The following KCNK6 variants were observed in gnomAD, a reference collection of about 807,000 sequenced individuals.
The protein encoded by KCNK6 is potassium two pore domain channel subfamily K member 6.
Under a neutral mutation model 21.9 loss-of-function variants are expected in KCNK6, and 20 were observed. The observed-to-expected ratio is 0.91, with a 90% confidence interval of 0.64 to 1.32. KCNK6 has a LOEUF of 1.32. Among genes scored for constraint, KCNK6 ranks in the 40% most tolerant of loss-of-function variants. The pLI is 0.00. For synonymous variants in KCNK6, 210 were observed against 218.0 expected, an observed-to-expected ratio of 0.96 and a Z score of 0.32; for missense variants, 415 against 433.1, an observed-to-expected ratio of 0.96 and a Z score of 0.37.
At chr19:38,321,330 A>G (rs1239103335) in intron 1 of KCNK6, among the ~76,000 whole-genome samples, 1 of 152,152 alleles carries the variant, frequency 6.6e-6, no homozygotes, top group Non-Finnish European at 1.5e-5. Flanking sequence ...GACCCCAGAC[A>G]CAAAACCCTT....
chr19:38,320,405 C>G (rs1969637509), intron 1 of KCNK6, 133 bp downstream of exon 1: 7 of 950,950 alleles, frequency 7.4e-6, no homozygotes, highest in African/African-American at 1.7e-5. Context: ...CCGAAAAGAC[C>G]CCAGTGAGGA....
rs997695955 is a variant in KCNK6, at chr19:38,328,776, G to A, written c.*1373G>A. 3 of 152,056 alleles carry A rather than the reference G, an allele frequency of 2.0e-5. No individual in the cohort carries two copies. Among genetic ancestry groups the A allele is most frequent in the Non-Finnish European group, 2.9e-5 (2 of 68,046 alleles). 9.4% of individuals were successfully genotyped at this position (152,056 alleles called of 1,614,324 possible). A position where few individuals can be genotyped will look rare whatever the true frequency, so the allele number is the denominator to read the frequency against. On this transcript the variant is annotated 3_prime_UTR_variant, in exon 3 of 3. Coordinates refer to ENST00000263372, the MANE Select transcript of KCNK6 (RefSeq NM_004823.3). ...GTGGAAGGATCACTTGAGGCCAGGAGTTTGAGGCTGCAGTGAGTTATGATG... is the reference window on the plus strand; with the variant it reads ...GTGGAAGGATCACTTGAGGCCAGGAATTTGAGGCTGCAGTGAGTTATGATG...
At position 38,327,755 on chromosome 19, in the gene KCNK6, A is replaced by C; in HGVS notation, c.*352A>C. On this transcript the variant is annotated 3_prime_UTR_variant, in exon 3 of 3. Transcript: ENST00000263372. Reference sequence around the variant, plus strand: ...ATGTTCCGTCTGTGTCTCTCAATTAACCACTCGTCAACTGCTGATTCTACT... The same window carrying C: ...ATGTTCCGTCTGTGTCTCTCAATTACCCACTCGTCAACTGCTGATTCTACT... 3.5e-6 allele frequency: 1 copy of C among 286,908 alleles called. No homozygotes were observed. Among genetic ancestry groups the C allele is most frequent in the South Asian group, 4.0e-5 (1 of 25,038 alleles). 17.8% of individuals were successfully genotyped at this position (286,908 alleles called of 1,614,324 possible).
rs1969631216 is a variant in KCNK6 at position 38,320,113 on chromosome 19, G to T, written c.163G>T (p.Ala55Ser). 2 of 1,574,580 alleles carry T rather than the reference G, an allele frequency of 1.3e-6. No homozygotes were observed. The highest frequency in any genetic ancestry group is 1.4e-5 in the African/African-American group (1 of 73,766). ...AQLLQRSPCV[A>S]APALDAFVER... ...GCTGCTTCAGCGCAGCCCGTGTGTG[G>T]CTGCCCCCGCCCTGGACGCCTTCGT... Residue 55 changes from alanine (A) to serine (S), a missense_variant, in exon 1 of 3, where the codon GCT becomes TCT. Transcript: ENST00000263372.
chr19:38,325,456 G>C, intron 1 of KCNK6: 1 of 985,438 alleles, frequency 1.0e-6, no homozygotes. Flanking sequence ...CTGAGGCTCA[G>C]AGCCAGGCAA....
At chr19:38,320,363 C>T (rs1969637008) in intron 1 of KCNK6, 91 bp downstream of exon 1, 1 of 1,355,270 alleles carries the variant, frequency 7.4e-7, no homozygotes, top group Non-Finnish European at 1.0e-6. Flanking sequence ...CACGAATACC[C>T]TTATCCCAAT....
At chr19:38,323,277 CTG>C (rs1183634881) in intron 1 of KCNK6, among the ~76,000 whole-genome samples, 2 of 152,180 alleles carry the variant, frequency 1.3e-5, no homozygotes, top group Non-Finnish European at 2.9e-5. Flanking sequence ...CTGGTAATAA[CTG>C]ATGTTTATTG....
chr19:38,320,172 G>A lies in KCNK6; in HGVS notation c.222G>A (p.Arg74=), dbSNP rs372657213. Residue 74 remains arginine, a synonymous_variant, in exon 1 of 3, where the codon CGG becomes CGA. Coordinates refer to ENST00000263372, the MANE Select transcript of KCNK6 (RefSeq NM_004823.3). ...ERVLAAGRLG[R]VVLANASGSA... Reference sequence around the variant, plus strand: ...TGCTGGCGGCCGGACGGCTGGGGCGGGTCGTGCTTGCTAACGCTTCGGGGT... The same window carrying A: ...TGCTGGCGGCCGGACGGCTGGGGCGAGTCGTGCTTGCTAACGCTTCGGGGT... The A allele has an allele frequency of 2.5e-6, 4 of 1,599,296 alleles. No homozygotes were observed. In the Admixed American group the frequency reaches 5.0e-5, roughly 20 times the overall value.
At chr19:38,322,934 G>A (rs554761431) in intron 1 of KCNK6, among the ~76,000 whole-genome samples, 6 of 151,968 alleles carry the variant, frequency 3.9e-5, no homozygotes, top group African/African-American at 1.2e-4. Context: ...CCAACATGAC[G>A]AAACCCCATC....
In KCNK6 at chr19:38,326,735, T is replaced by C. The variant is rs1222956019; in HGVS notation, c.465T>C (p.Ser155=). Residue 155 remains serine (S), a synonymous_variant, in exon 2 of 3, where the codon TCT becomes TCC. Transcript: ENST00000263372. ...TGCTGCTGACTCACGTGCCCCTGTC[T>C]TGGCTGAGCATGCGTTGGGGCTGGG... ...LSLLLTHVPL[S]WLSMRWGWDP... is the part of the protein sequence containing the mutation. 1 of 1,604,650 alleles carries C rather than the reference T, an allele frequency of 6.2e-7. No individual in the cohort carries two copies. The highest frequency in any genetic ancestry group is 8.5e-7 in the Non-Finnish European group (1 of 1,179,966).
At position 38,320,121 on chromosome 19, in the gene KCNK6, CG is replaced by C. The variant is rs1568364127; in HGVS notation, c.172del (p.Ala58ProfsTer46). The C allele has an allele frequency of 6.3e-7, 1 of 1,582,350 alleles. No homozygotes were observed. Among genetic ancestry groups the C allele is most frequent in the East Asian group, 2.3e-5 (1 of 43,592 alleles). The part of the protein sequence containing the change: ...LQRSPCVAAP[A>X]LDAFVERVLA... Reference sequence around the variant, plus strand: ...AGCGCAGCCCGTGTGTGGCTGCCCCCGCCCTGGACGCCTTCGTGGAGCGAGT... The same window carrying C: ...AGCGCAGCCCGTGTGTGGCTGCCCCCCCCTGGACGCCTTCGTGGAGCGAGT... On this transcript the variant is annotated frameshift_variant, in exon 1 of 3. Transcript: ENST00000263372. LOFTEE classifies it high-confidence loss of function.
intron 1 of KCNK6, among the ~76,000 whole-genome samples, chr19:38,324,374 C>T (rs891995469): frequency 6.6e-6 from 1 of 152,162 alleles, no homozygotes; most frequent in Non-Finnish European, 1.5e-5. Context: ...ATTTCTTGTT[C>T]ACATTCCAGG....
chr19:38,324,005 A>T (rs1258479289), intron 1 of KCNK6, among the ~76,000 whole-genome samples: 1 of 152,030 alleles, frequency 6.6e-6, no homozygotes, highest in Non-Finnish European at 1.5e-5. Context: ...ACTGTTTTGG[A>T]CTCTTCTCTT....
At chr19:38,322,793 C>G (rs921582762) in intron 1 of KCNK6, among the ~76,000 whole-genome samples, 1 of 151,366 alleles carries the variant, frequency 6.6e-6, no homozygotes, top group Non-Finnish European at 1.5e-5. Flanking sequence ...CCAGCCAGGG[C>G]AACAGAGTGA....
At position 38,331,113 on chromosome 19, in the gene KCNK6, G is replaced by C. The variant is rs1182057220; in HGVS notation, c.*3710G>C. 1 of 151,982 alleles carries C rather than the reference G, an allele frequency of 6.6e-6. No homozygotes were observed. 9.4% of individuals were successfully genotyped at this position (151,982 alleles called of 1,614,324 possible). On this transcript the variant is annotated 3_prime_UTR_variant, in exon 3 of 3. Transcript: ENST00000263372. ...AGGCTGAGGCAGGAGGATCGCTTGA[G>C]CCCGGGAGCTGGAGACCAGCCTGGA...
chr19:38,319,895 AGGC>A lies in KCNK6; in HGVS notation c.-53_-51del, dbSNP rs1192549464. On this transcript the variant is annotated 5_prime_UTR_variant, in exon 1 of 3. Transcript: ENST00000263372. ...TGGAACTAGGTGCCAGACGGTCCGG[AGGC>A]GGGGGCCACGTCAGCGGGGCCACCC... 5.9e-6 allele frequency: 8 copies of A among 1,358,016 alleles called. No individual in the cohort carries two copies. Among genetic ancestry groups the A allele is most frequent in the Non-Finnish European group, 7.5e-6 (8 of 1,061,898 alleles). 84.1% of individuals were successfully genotyped at this position (1,358,016 alleles called of 1,614,324 possible). A position where few individuals can be genotyped will look rare whatever the true frequency, so the allele number is the denominator to read the frequency against.
rs1969751812 is a variant in KCNK6, at chr19:38,329,655, G to A, written c.*2252G>A. The A allele has an allele frequency of 6.6e-6, 1 of 152,154 alleles. No homozygotes were observed. The highest frequency in any genetic ancestry group is 6.5e-5 in the Admixed American group (1 of 15,268). 9.4% of individuals were successfully genotyped at this position (152,154 alleles called of 1,614,324 possible). A position where few individuals can be genotyped will look rare whatever the true frequency, so the allele number is the denominator to read the frequency against. On this transcript the variant is annotated 3_prime_UTR_variant, in exon 3 of 3. Coordinates refer to ENST00000263372, the MANE Select transcript of KCNK6 (RefSeq NM_004823.3). The stretch of plus-strand genomic sequence containing the variant: ...ATGGGAACCTGGTCTCTTTCCTGAG[G>A]GCCCTAGAGAGCCATGGAAGGGTTT...
At chr19:38,321,255 G>A (rs1182763953) in intron 1 of KCNK6, among the ~76,000 whole-genome samples, 1 of 152,128 alleles carries the variant, frequency 6.6e-6, no homozygotes, top group African/African-American at 2.4e-5. Flanking sequence ...TGGCCCTCTG[G>A]ACCTGGGCCT....
Position 38,327,591 on chromosome 19 carries a change from C to T in KCNK6, c.*188C>T. The T allele has an allele frequency of 1.6e-6, 1 of 611,012 alleles. No individual in the cohort carries two copies. Among genetic ancestry groups the T allele is most frequent in the Non-Finnish European group, 2.9e-6 (1 of 346,070 alleles). 37.8% of individuals were successfully genotyped at this position (611,012 alleles called of 1,614,324 possible). On this transcript the variant is annotated 3_prime_UTR_variant, in exon 3 of 3. Transcript: ENST00000263372. ...AGGGCAGCACTCCCTGTCCCCATGTCCCGGGCTCCACTGGGCACCAACATA... is the reference window on the plus strand; with the variant it reads ...AGGGCAGCACTCCCTGTCCCCATGTTCCGGGCTCCACTGGGCACCAACATA...
Sources: allele counts gnomAD v4.1 joint callset (sites outside exome capture counted in the v4.1 genomes callset), GRCh38; gene constraint gnomAD v4.1.1; transcripts MANE v1.5; gene names NCBI Gene and HGNC (gene_info 2026-07-23, HGNC 2026-07-21).